NCOA3: variants seen among roughly 807,000 people sequenced by gnomAD.
The protein encoded by NCOA3 is CBP-interacting protein.
A neutral mutation model predicts 158.8 loss-of-function variants in NCOA3; 51 were observed. The ratio of observed to expected loss-of-function variants is 0.32; its 90% CI spans 0.26 to 0.41. NCOA3 has a LOEUF of 0.41. Among genes scored for constraint, NCOA3 ranks in the 10% least tolerant of loss-of-function variants. The pLI is 1.00. For synonymous variants in NCOA3, 537 were observed against 592.4 expected (o/e 0.91, Z 1.36); for missense variants, 1,510 against 1,746.6 (o/e 0.86, Z 2.41).
At chr20:47,517,451 C>CTTT (rs376699406) in intron 1 of NCOA3, among the ~76,000 whole-genome samples, 1,719 of 129,232 alleles carry the variant, frequency 0.013, 60 homozygotes, top group African/African-American at 0.051. Context: ...TTTTCTTTTT[C>CTTT]TTTTTTTTTT....
At chr20:47,529,852 A>G (rs1383361339) in intron 1 of NCOA3, among the ~76,000 whole-genome samples, 4 of 152,238 alleles carry the variant, frequency 2.6e-5, no homozygotes, top group Non-Finnish European at 5.9e-5. Flanking sequence ...TTAAAAAGAA[A>G]CAGTGGAAAT....
chr20:47,631,151 C>G (rs2086410427), intron 8 of NCOA3: 1 of 152,184 alleles, frequency 6.6e-6, no homozygotes, highest in Non-Finnish European at 1.5e-5. Context: ...CCAAGACCAG[C>G]CATGGAAGCT....
At chr20:47,503,143 T>C (rs912835206) in intron 1 of NCOA3, among the ~76,000 whole-genome samples, 1 of 152,120 alleles carries the variant, frequency 6.6e-6, no homozygotes, top group African/African-American at 2.4e-5. Flanking sequence ...GGTAGTAGTA[T>C]TGAGTAAGAT....
intron 1 of NCOA3, among the ~76,000 whole-genome samples, chr20:47,502,734 A>G (rs1393346680): frequency 1.4e-5 from 2 of 142,324 alleles, no homozygotes; most frequent in East Asian, 4.0e-4. Flanking sequence ...CCCATCTCTC[A>G]TTTTATGAAC....
At chr20:47,599,379 T>C (rs1031744917) in intron 2 of NCOA3, among the ~76,000 whole-genome samples, 3 of 151,486 alleles carry the variant, frequency 2.0e-5, no homozygotes, top group Non-Finnish European at 4.4e-5. Flanking sequence ...TTATATGAGG[T>C]TGAGGGGGTG....
intron 1 of NCOA3, among the ~76,000 whole-genome samples, chr20:47,541,605 ACTCCTGGCCTCAAGTTACC>A (rs1299405266): frequency 2.7e-5 from 4 of 149,468 alleles, no homozygotes; most frequent in African/African-American, 7.4e-5. Context: ...CTGGTCTCGA[ACTCCTGGCCTCAAGTTACC>A]CTCCTGCCCT....
intron 1 of NCOA3, among the ~76,000 whole-genome samples, chr20:47,581,725 T>C (rs1299422677): frequency 6.6e-6 from 1 of 152,266 alleles, no homozygotes; most frequent in Non-Finnish European, 1.5e-5. Context: ...GTGAATGTTC[T>C]TACTGGTTCA....
intron 1 of NCOA3, among the ~76,000 whole-genome samples, chr20:47,533,571 G>T (rs1260082297): frequency 6.6e-6 from 1 of 152,012 alleles, no homozygotes; most frequent in Admixed American, 6.6e-5. Flanking sequence ...AACTCTATCA[G>T]GGTCTTCATA....
chr20:47,595,723 A>G (rs1367383261), intron 2 of NCOA3, among the ~76,000 whole-genome samples: 1 of 151,322 alleles, frequency 6.6e-6, no homozygotes, highest in Non-Finnish European at 1.5e-5. Flanking sequence ...CTTGGCTCTG[A>G]AGTTAGAATG....
intron 1 of NCOA3, among the ~76,000 whole-genome samples, chr20:47,514,186 A>G (rs1268672383): frequency 1.3e-5 from 2 of 149,934 alleles, no homozygotes; most frequent in African/African-American, 4.9e-5. Context: ...AGAAGATTTT[A>G]TTTTTTTACT....
chr20:47,618,114 A>G lies in NCOA3; in HGVS notation c.-19-4115A>G, dbSNP rs1421560187. Among the ~76,000 whole-genome samples the G allele has an allele frequency of 2.6e-5, 4 of 152,180 alleles. No homozygotes were observed. The East Asian group carries it at 5.8e-4, about 22-fold the overall frequency. On this transcript the variant is annotated intron_variant, in intron 2 of 22. Transcript: ENST00000371998. ...TAGCCAGGCGTGGTGGCACACACCTATAATCTCAGCTACTCGGGAGGCTGA... is the reference window on the plus strand; with the variant it reads ...TAGCCAGGCGTGGTGGCACACACCTGTAATCTCAGCTACTCGGGAGGCTGA...
At chr20:47,612,432 G>A (rs900472229) in intron 2 of NCOA3, among the ~76,000 whole-genome samples, 29 of 152,018 alleles carry the variant, frequency 1.9e-4, no homozygotes, top group African/African-American at 7.0e-4. Context: ...TGGGAGAGTC[G>A]GGGATGGTTT....
chr20:47,522,259 C>T (rs1184634181), intron 1 of NCOA3, among the ~76,000 whole-genome samples: 8 of 151,666 alleles, frequency 5.3e-5, no homozygotes, highest in African/African-American at 1.2e-4. Context: ...CCCGCCACCA[C>T]GCCCGGCTAA....
chr20:47,560,926 A>G lies in NCOA3; in HGVS notation c.-98-22257A>G, dbSNP rs6012211. On this transcript the variant is annotated intron_variant, in intron 1 of 22. Coordinates refer to ENST00000371998, the MANE Select transcript of NCOA3 (RefSeq NM_181659.3). ...ATTTCTGAGTTTTTAGGTGTACCTG[A>G]GCAGTGTACACTGTGCCCAATATGT... is the stretch of plus-strand genomic sequence containing the variant. 6.9e-3 allele frequency among the ~76,000 whole-genome samples: 1,025 copies of G among 147,898 alleles called. 17 individuals are homozygous for G. Among genetic ancestry groups the G allele is most frequent in the African/African-American group, 0.024 (971 of 40,388 alleles).
chr20:47,620,780 T>A (rs920178803), intron 2 of NCOA3, among the ~76,000 whole-genome samples: 1 of 152,238 alleles, frequency 6.6e-6, no homozygotes, highest in Admixed American at 6.5e-5. Flanking sequence ...ATTGTCCATA[T>A]TCTAATTTTG....
chr20:47,527,788 TCTC>T (rs1490917206), intron 1 of NCOA3, among the ~76,000 whole-genome samples: 3 of 152,194 alleles, frequency 2.0e-5, no homozygotes, highest in Non-Finnish European at 4.4e-5. Context: ...GTATTAATAT[TCTC>T]CTATGTTTTA....
chr20:47,605,428 A>T (rs1408152987), intron 2 of NCOA3, among the ~76,000 whole-genome samples: 11 of 151,812 alleles, frequency 7.2e-5, no homozygotes, highest in Non-Finnish European at 1.5e-4. Context: ...ACATATATAT[A>T]TTATTATTAT....
chr20:47,600,715 C>T (rs1293617547), intron 2 of NCOA3, among the ~76,000 whole-genome samples: 1 of 150,008 alleles, frequency 6.7e-6, no homozygotes, highest in African/African-American at 2.5e-5. Context: ...GGGGTTTTGC[C>T]ATGTTGCCCA....
intron 1 of NCOA3, among the ~76,000 whole-genome samples, chr20:47,569,927 A>G (rs1293483042): frequency 6.8e-6 from 1 of 147,020 alleles, no homozygotes; most frequent in Admixed American, 6.8e-5. Context: ...GGAGAATGGC[A>G]CGAACCCGGG....
Sources: gnomAD v4.1 joint callset for allele counts (sites outside exome capture counted in the v4.1 genomes callset) on GRCh38, gnomAD v4.1.1 for gene constraint, MANE v1.5 for transcripts, NCBI Gene and HGNC (gene_info 2026-07-23, HGNC 2026-07-21) for gene names.